PLB1: variants seen among roughly 807,000 people sequenced by gnomAD.
The protein encoded by PLB1 is phospholipase B1, membrane-associated.
In PLB1, 242 loss-of-function variants were observed where a neutral mutation model predicts 227.4. The ratio of observed to expected loss-of-function variants is 1.06; its 90% confidence interval spans 0.96 to 1.18. The LOEUF (loss-of-function observed/expected upper bound fraction) is 1.18. Ranked by LOEUF, PLB1 falls within the 50% of genes most tolerant of loss-of-function variation. The pLI is 0.00. For synonymous variants in PLB1, 757 were observed against 682.2 expected, an observed-to-expected ratio of 1.11 and a Z score of -1.71; for missense variants, 1,858 against 1,816.3, an observed-to-expected ratio of 1.02 and a Z score of -0.42.
At chr2:28,586,532 C>A (rs1247742425) in intron 26 of PLB1, among the ~76,000 whole-genome samples, 1 of 152,102 alleles carries the variant, frequency 6.6e-6, no homozygotes, top group Admixed American at 6.5e-5. Context: ...GACTAGGCTG[C>A]AAACAGCTAC....
intron 50 of PLB1, among the ~76,000 whole-genome samples, chr2:28,625,690 C>G (rs1687656772): frequency 6.6e-6 from 1 of 152,164 alleles, no homozygotes; most frequent in Non-Finnish European, 1.5e-5. Context: ...GAACTCATCC[C>G]AGGGGCAGCT....
intron 14 of PLB1, 73 bp downstream of exon 14, chr2:28,543,341 C>A: frequency 6.6e-7 from 1 of 1,510,744 alleles, no homozygotes; most frequent in Non-Finnish European, 9.0e-7. Flanking sequence ...GCCCACCGTG[C>A]TGAGGAGGGG....
intron 15 of PLB1, among the ~76,000 whole-genome samples, chr2:28,549,504 C>G (rs1673877488): frequency 6.8e-6 from 1 of 146,034 alleles, no homozygotes; most frequent in Non-Finnish European, 1.5e-5. Flanking sequence ...CAACCTCTGC[C>G]TCCCGGGTTC....
At chr2:28,603,913 C>T in intron 39 of PLB1, 53 bp from the exon 40 acceptor site, 1 of 1,536,102 alleles carries the variant, frequency 6.5e-7, no homozygotes, top group Non-Finnish European at 9.0e-7. Context: ...TCAGAACCAG[C>T]CCCTGATGGA....
chr2:28,515,444 C>T (rs1440149584), intron 1 of PLB1, among the ~76,000 whole-genome samples: 2 of 152,160 alleles, frequency 1.3e-5, no homozygotes, highest in Non-Finnish European at 2.9e-5. Flanking sequence ...TATGCCTTCC[C>T]GTCATGTGGC....
Position 28,589,521 on chromosome 2 carries a change from G to T in PLB1, c.1887G>T (p.Pro629=), listed in dbSNP as rs79271410. ...TREDFTVVVQ[P]FFENVDMPKT... ...AAGATTTTACTGTGGTTGTGCAGCCGTTCTTTGAAAACGTGGACATGCCAA... is the reference window on the plus strand; with the variant it reads ...AAGATTTTACTGTGGTTGTGCAGCCTTTCTTTGAAAACGTGGACATGCCAA... Residue 629 remains proline (P), a synonymous_variant, in exon 27 of 58, where the codon CCG becomes CCT. Coordinates refer to ENST00000327757, the MANE Select transcript of PLB1 (RefSeq NM_153021.5). 1 of 1,614,148 alleles carries T rather than the reference G, an allele frequency of 6.2e-7. No individual in the cohort carries two copies. Among genetic ancestry groups the T allele is most frequent in the African/African-American group, 1.3e-5 (1 of 75,042 alleles).
intron 55 of PLB1, 87 bp downstream of exon 55, chr2:28,632,227 T>G: frequency 8.7e-7 from 1 of 1,147,486 alleles, no homozygotes; most frequent in South Asian, 1.4e-5. Flanking sequence ...TGGGCTTTTT[T>G]TTTTTTTAAC....
rs182707309 is a variant in PLB1 at position 28,603,062 on chromosome 2, G to A, written c.2774+141G>A. 282 of 712,530 alleles carry A rather than the reference G, an allele frequency of 4.0e-4. 1 individual carries two copies. In the African/African-American group the frequency reaches 4.1e-3, roughly 10 times the overall value. 44.1% of individuals were successfully genotyped at this position (712,530 alleles called of 1,614,324 possible). A position where few individuals can be genotyped will look rare whatever the true frequency, so the allele number is the denominator to read the frequency against. ...TGTAAAGGAGGACTTCTGCCAGAACGTCCCCTTCCAGAGGCTGGAGCCATG... is the reference window on the plus strand; with the variant it reads ...TGTAAAGGAGGACTTCTGCCAGAACATCCCCTTCCAGAGGCTGGAGCCATG... On this transcript the variant is annotated intron_variant, in intron 39 of 57. Coordinates refer to ENST00000327757, the MANE Select transcript of PLB1 (RefSeq NM_153021.5).
intron 6 of PLB1, among the ~76,000 whole-genome samples, chr2:28,528,451 C>T (rs760606053): frequency 2.9e-4 from 44 of 152,300 alleles, no homozygotes; most frequent in Admixed American, 7.2e-4. Context: ...TCTGCATGTT[C>T]CCTGGAGCTT....
intron 33 of PLB1, 43 bp from the exon 34 acceptor site, chr2:28,597,961 AT>A: frequency 6.4e-7 from 1 of 1,574,574 alleles, no homozygotes. Context: ...GATTCAACCA[AT>A]ATGTCTCTCC....
In PLB1 at chr2:28,617,671, C is replaced by T; in HGVS notation, c.3196-56C>T. ...TTAGCTGGTTCTTCTTGGGCTGAAG[C>T]TTATCTCCCTGCACAATGAGTGTTG... On this transcript the variant is annotated intron_variant, in intron 44 of 57. Transcript: ENST00000327757. The T allele has an allele frequency of 2.6e-6, 4 of 1,556,096 alleles. No individual in the cohort carries two copies. The South Asian group carries it at 4.4e-5, about 17-fold the overall frequency.
intron 57 of PLB1, among the ~76,000 whole-genome samples, chr2:28,641,452 C>A (rs1232051297): frequency 2.6e-5 from 4 of 152,086 alleles, no homozygotes; most frequent in Admixed American, 6.5e-5. Context: ...TAGTAAAAAT[C>A]CAAAAGTCAG....
At chr2:28,609,930 C>T (rs2148312459) in intron 43 of PLB1, among the ~76,000 whole-genome samples, 1 of 152,154 alleles carries the variant, frequency 6.6e-6, no homozygotes, top group Middle Eastern at 3.4e-3. Flanking sequence ...GCTAACTAGT[C>T]GCACCTTCCC....
Position 28,496,977 on chromosome 2 carries a change from G to C in PLB1, c.55+808G>C, listed in dbSNP as rs894173156. 1.7e-4 allele frequency among the ~76,000 whole-genome samples: 26 copies of C among 152,376 alleles called. No individual in the cohort carries two copies. In the Middle Eastern group the frequency reaches 0.01, roughly 60 times the overall value. ...GGGCCTGCCTAGGGTCTGAGCCCAT[G>C]CTTGAGGCTTCTCTGGGGCAAGTCA... On this transcript the variant is annotated intron_variant, in intron 1 of 57. Coordinates refer to ENST00000327757, the MANE Select transcript of PLB1 (RefSeq NM_153021.5).
Position 28,630,583 on chromosome 2 carries a change from C to G in PLB1, c.3819-3C>G. 6.2e-7 allele frequency: 1 copy of G among 1,613,278 alleles called. No individual in the cohort carries two copies. Among genetic ancestry groups the G allele is most frequent in the South Asian group, 1.1e-5 (1 of 90,904 alleles). ...CCTCAATACAACACTCCCTGTCTCACAGGAACAACTGCACTTGCCTCAGAC... is the reference window on the plus strand; with the variant it reads ...CCTCAATACAACACTCCCTGTCTCAGAGGAACAACTGCACTTGCCTCAGAC... On this transcript the variant is annotated splice_polypyrimidine_tract_variant and splice_region_variant and intron_variant, in intron 53 of 57. Coordinates refer to ENST00000327757, the MANE Select transcript of PLB1 (RefSeq NM_153021.5).
At chr2:28,623,300 G>A (rs535316409) in intron 49 of PLB1, among the ~76,000 whole-genome samples, 44 of 152,276 alleles carry the variant, frequency 2.9e-4, no homozygotes, top group African/African-American at 9.4e-4. Flanking sequence ...GGAGCCCAGA[G>A]AGGAGGCTCA....
intron 20 of PLB1, among the ~76,000 whole-genome samples, chr2:28,569,178 C>T (rs1219162257): frequency 6.6e-6 from 1 of 152,216 alleles, no homozygotes; most frequent in Non-Finnish European, 1.5e-5. Flanking sequence ...CAGTTTCTTT[C>T]TCACATCCTA....
chr2:28,511,033 T>C (rs1236909890), intron 1 of PLB1, among the ~76,000 whole-genome samples: 1 of 152,178 alleles, frequency 6.6e-6, no homozygotes, highest in Non-Finnish European at 1.5e-5. Context: ...TTTTTATCAT[T>C]ATTTTGGTGT....
rs541525172 is a variant in PLB1 at position 28,617,648 on chromosome 2, A to C, written c.3196-79A>C. 1.6e-5 allele frequency: 23 copies of C among 1,395,068 alleles called. No homozygotes were observed. The African/African-American group carries it at 2.7e-4, about 16-fold the overall frequency. 86.4% of individuals were successfully genotyped at this position (1,395,068 alleles called of 1,614,324 possible). On this transcript the variant is annotated intron_variant, in intron 44 of 57. Transcript: ENST00000327757. Reference sequence around the variant, plus strand: ...TTCTAGCCTCCATCAAAAATCCCTTAGCTGGTTCTTCTTGGGCTGAAGCTT... The same window carrying C: ...TTCTAGCCTCCATCAAAAATCCCTTCGCTGGTTCTTCTTGGGCTGAAGCTT...
Sources: allele counts gnomAD v4.1 joint callset (sites outside exome capture counted in the v4.1 genomes callset), GRCh38; gene constraint gnomAD v4.1.1; transcripts MANE v1.5; gene names NCBI Gene and HGNC (gene_info 2026-07-23, HGNC 2026-07-21).